Variants in KCNN2 observed in about 807,000 individuals in gnomAD.
The protein encoded by KCNN2 is small conductance calcium-activated potassium channel protein 2.
Under a neutral mutation model 55.5 loss-of-function variants are expected in KCNN2, and 24 were observed. The observed-to-expected ratio is 0.43, with a 90% CI of 0.31 to 0.61. The LOEUF is 0.61. Among genes scored for constraint, KCNN2 ranks in the 20% least tolerant of loss-of-function variants. The probability of loss-of-function intolerance (pLI) is 0.08; values close to 1 mark genes in which losing one functional copy is unlikely to be tolerated. For synonymous variants in KCNN2, 431 were observed against 336.1 expected (o/e 1.28, Z -3.09); for missense variants, 754 against 853.6 (o/e 0.88, Z 1.45).
intron 3 of KCNN2, among the ~76,000 whole-genome samples, chr5:114,426,934 A>C (rs1759641603): frequency 6.6e-6 from 1 of 152,198 alleles, no homozygotes; most frequent in Non-Finnish European, 1.5e-5. Context: ...CATGGGATGA[A>C]GCATTACACA....
chr5:114,085,910 A>G (rs1435996775), intron 1 of KCNN2, among the ~76,000 whole-genome samples: 1 of 152,030 alleles, frequency 6.6e-6, no homozygotes, highest in East Asian at 1.9e-4. Flanking sequence ...AAGCACTGTC[A>G]TTTGGTACAT....
chr5:114,222,638 A>C (rs3935351), intron 2 of KCNN2, among the ~76,000 whole-genome samples: 2 of 152,058 alleles, frequency 1.3e-5, no homozygotes, highest in South Asian at 2.1e-4. Flanking sequence ...AGCTGTGGGT[A>C]TGGCACAATT....
At chr5:114,448,836 T>C (rs1409960596) in intron 3 of KCNN2, among the ~76,000 whole-genome samples, 1 of 152,234 alleles carries the variant, frequency 6.6e-6, no homozygotes, top group Non-Finnish European at 1.5e-5. Flanking sequence ...TTAGAATCAA[T>C]TTGTGATAAC....
In KCNN2 at chr5:114,488,271, C is replaced by T. The variant is rs555848375; in HGVS notation, c.2018+1094C>T. On this transcript the variant is annotated intron_variant, in intron 6 of 7. Coordinates refer to ENST00000673685, the MANE Select transcript of KCNN2 (RefSeq NM_021614.4). The stretch of plus-strand genomic sequence containing the variant: ...TCCTGAGATTTATAGTAGAGGCAGG[C>T]TCTGCACGTATGGTAGAGTATCTGG... 2.0e-5 allele frequency among the ~76,000 whole-genome samples: 3 copies of T among 152,212 alleles called. No homozygotes were observed. The South Asian group carries it at 6.2e-4, about 32-fold the overall frequency.
At chr5:114,350,028 C>G (rs532070792) in intron 2 of KCNN2, among the ~76,000 whole-genome samples, 1 of 151,984 alleles carries the variant, frequency 6.6e-6, no homozygotes, top group South Asian at 2.1e-4. Flanking sequence ...TTTCATGTGC[C>G]CATTGACCAT....
chr5:114,201,407 C>A (rs545639082), intron 1 of KCNN2, among the ~76,000 whole-genome samples: 1 of 152,224 alleles, frequency 6.6e-6, no homozygotes, highest in African/African-American at 2.4e-5. Flanking sequence ...AAAATGGTGA[C>A]AGCTGTGGGT....
chr5:114,488,222 TC>T (rs1227459855), intron 6 of KCNN2, among the ~76,000 whole-genome samples: 1 of 152,178 alleles, frequency 6.6e-6, no homozygotes, highest in Non-Finnish European at 1.5e-5. Context: ...GATTCATTCT[TC>T]CATAGAAATT....
intron 1 of KCNN2, among the ~76,000 whole-genome samples, chr5:114,165,725 C>T (rs1752895242): frequency 6.6e-6 from 1 of 152,048 alleles, no homozygotes; most frequent in Non-Finnish European, 1.5e-5. Context: ...ATTTACTTTT[C>T]TCTAGCTTAC....
intron 1 of KCNN2, among the ~76,000 whole-genome samples, chr5:114,078,281 C>T (rs1750726578): frequency 1.3e-5 from 2 of 152,136 alleles, no homozygotes; most frequent in Non-Finnish European, 2.9e-5. Context: ...ACACATATGA[C>T]CAACAAAGCA....
exon 1 of KCNN2, chr5:114,056,229 C>CGGCTGG: frequency 2.5e-6 from 1 of 395,880 alleles, no homozygotes; most frequent in Non-Finnish European, 4.4e-6. Flanking sequence ...CGGAGCTCTC[C>CGGCTGG]GGCTGGCTCT....
At chr5:114,163,621 C>T (rs1434576586) in intron 1 of KCNN2, among the ~76,000 whole-genome samples, 1 of 152,146 alleles carries the variant, frequency 6.6e-6, no homozygotes, top group Non-Finnish European at 1.5e-5. Context: ...CTACTGCTTT[C>T]ACTGTTGTTG....
chr5:114,174,329 G>A (rs1239559250), intron 1 of KCNN2, among the ~76,000 whole-genome samples: 2 of 152,070 alleles, frequency 1.3e-5, no homozygotes, highest in African/African-American at 4.8e-5. Context: ...CCCATAGTAA[G>A]TTTGCTTTCT....
intron 1 of KCNN2, among the ~76,000 whole-genome samples, chr5:114,160,237 A>G (rs1209161722): frequency 6.6e-6 from 1 of 152,178 alleles, no homozygotes; most frequent in Non-Finnish European, 1.5e-5. Context: ...GAACATCTTT[A>G]TTTCTGCCTT....
In KCNN2 at chr5:114,474,828, A is replaced by C. The variant is rs182624166; in HGVS notation, c.1890+1664A>C. Among the ~76,000 whole-genome samples the C allele has an allele frequency of 5.3e-5, 8 of 152,230 alleles. No homozygotes were observed. In the East Asian group the frequency reaches 1.5e-3, roughly 29 times the overall value. ...GAATTAAGTTAATGCCACACTTAAG[A>C]TATTAGGGAGAAAAATACCTTAAAA... On this transcript the variant is annotated intron_variant, in intron 5 of 7. Transcript: ENST00000673685.
intron 2 of KCNN2, among the ~76,000 whole-genome samples, chr5:114,330,245 G>C (rs36957): frequency 0.37 from 55,490 of 151,994 alleles, 11,700 homozygotes; most frequent in East Asian, 0.84. Flanking sequence ...AGCTTACTGA[G>C]CTTAGTTCAG....
At position 114,105,174 on chromosome 5, in the gene KCNN2, C is replaced by T. The variant is rs150542317; in HGVS notation, c.-271+48674C>T. 2.4e-3 allele frequency among the ~76,000 whole-genome samples: 362 copies of T among 152,108 alleles called. 2 individuals are homozygous for T. Among genetic ancestry groups the T allele is most frequent in the Non-Finnish European group, 4.1e-3 (281 of 67,958 alleles). On this transcript the variant is annotated intron_variant, in intron 1 of 10. Transcript: ENST00000512097. ...AGTTCTCAGATGGCTGCAACTATTCCTGTTCATCTTTGCACACCCCGCAGA... is the reference window on the plus strand; with the variant it reads ...AGTTCTCAGATGGCTGCAACTATTCTTGTTCATCTTTGCACACCCCGCAGA...
intron 1 of KCNN2, among the ~76,000 whole-genome samples, chr5:114,105,820 A>G (rs764846981): frequency 6.6e-6 from 1 of 151,974 alleles, no homozygotes; most frequent in Non-Finnish European, 1.5e-5. Context: ...TTTGGCAATA[A>G]TATATATTTA....
intron 1 of KCNN2, among the ~76,000 whole-genome samples, chr5:114,118,137 T>C (rs1751747053): frequency 6.6e-6 from 1 of 152,178 alleles, no homozygotes; most frequent in African/African-American, 2.4e-5. Flanking sequence ...AAGGGTTACC[T>C]TTACAGCATT....
intron 3 of KCNN2, among the ~76,000 whole-genome samples, chr5:114,430,317 C>T (rs1759752249): frequency 6.6e-6 from 1 of 152,036 alleles, no homozygotes; most frequent in Admixed American, 6.5e-5. Flanking sequence ...TAGTGTTCAT[C>T]ATAGAACTTG....
Sources: gnomAD v4.1 joint callset for allele counts (sites outside exome capture counted in the v4.1 genomes callset) on GRCh38, gnomAD v4.1.1 for gene constraint, MANE v1.5 for transcripts, NCBI Gene and HGNC (gene_info 2026-07-23, HGNC 2026-07-21) for gene names.